Variants in CSAD observed in about 807,000 individuals in gnomAD.
CSAD encodes P-selectin cytoplasmic tail-associated protein.
CSAD carries 47 observed loss-of-function variants against 61.5 expected under a neutral mutation model. That is an observed-to-expected ratio of 0.76 (90% CI 0.60 to 0.97). The LOEUF (loss-of-function observed/expected upper bound fraction) is 0.97, where lower values mean the gene tolerates loss of function less well. Ranked by LOEUF, CSAD falls within the 50% of genes least tolerant of loss-of-function variation. The pLI, the probability that CSAD is intolerant of heterozygous loss-of-function variation, is 0.00. For missense variants in CSAD, 611 were observed against 643.6 expected, an observed-to-expected ratio of 0.95 and a Z score of 0.55; for synonymous variants, 245 against 252.7, an observed-to-expected ratio of 0.97 and a Z score of 0.29.
At chr12:53,174,751 C>T (rs1383900948) in intron 2 of CSAD, among the ~76,000 whole-genome samples, 1 of 152,136 alleles carries the variant, frequency 6.6e-6, no homozygotes, top group Non-Finnish European at 1.5e-5. Context: ...AAGATGGTAC[C>T]ACTGCACTCC....
chr12:53,175,362 C>A (rs1941025540), intron 2 of CSAD, among the ~76,000 whole-genome samples: 1 of 152,138 alleles, frequency 6.6e-6, no homozygotes, highest in African/African-American at 2.4e-5. Flanking sequence ...CAGGAGGAGG[C>A]CTGCCTGGGG....
chr12:53,174,949 C>A (rs1406770976), intron 2 of CSAD, among the ~76,000 whole-genome samples: 2 of 152,212 alleles, frequency 1.3e-5, no homozygotes, highest in Non-Finnish European at 2.9e-5. Flanking sequence ...GAGCCACACA[C>A]TGCTCATCTC....
At chr12:53,173,603 C>T in intron 3 of CSAD, 125 bp downstream of exon 3, 1 of 1,541,236 alleles carries the variant, frequency 6.5e-7, no homozygotes. Context: ...CTCCAGTGCA[C>T]AGACAAGGGC....
chr12:53,161,543 G>A (rs1939281838), intron 10 of CSAD, among the ~76,000 whole-genome samples, 154 bp from the exon 11 acceptor site: 1 of 151,954 alleles, frequency 6.6e-6, no homozygotes, highest in African/African-American at 2.4e-5. Context: ...TGTGCAGCCA[G>A]GGACACTGAG....
At chr12:53,174,604 G>A (rs1447395189) in intron 2 of CSAD, among the ~76,000 whole-genome samples, 2 of 151,950 alleles carry the variant, frequency 1.3e-5, no homozygotes, top group African/African-American at 2.4e-5. Context: ...GACCAGCCTG[G>A]CCAACATGGC....
chr12:53,170,877 T>C, intron 8 of CSAD: 3 of 375,786 alleles, frequency 8.0e-6, no homozygotes, highest in Non-Finnish European at 1.5e-5. Flanking sequence ...CCCACCACCA[T>C]GCCTGGCTAA....
rs1158992635 is a variant in CSAD, at chr12:53,160,338, A to AT, written c.967-20dup. 1 of 1,611,706 alleles carries AT rather than the reference A, an allele frequency of 6.2e-7. No individual in the cohort carries two copies. Among genetic ancestry groups the AT allele is most frequent in the South Asian group, 1.1e-5 (1 of 91,038 alleles). On this transcript the variant is annotated intron_variant, in intron 13 of 16. Transcript: ENST00000444623. Reference sequence around the variant, plus strand: ...GCAGGTTCTGTGTGGGGGTGAGGAGATTGTCAGACCCTACCCTCTCCACCG... The same window carrying AT: ...GCAGGTTCTGTGTGGGGGTGAGGAGATTTGTCAGACCCTACCCTCTCCACCG...
chr12:53,173,253 A>G (rs1940801434), intron 4 of CSAD, 92 bp downstream of exon 4: 1 of 1,123,780 alleles, frequency 8.9e-7, no homozygotes, highest in African/African-American at 1.7e-5. Context: ...AGAAGGAAGG[A>G]AGGGGGGGGG....
At position 53,180,714 on chromosome 12, in the gene CSAD, T is replaced by G. The variant is rs1389598820; in HGVS notation, c.-91+18A>C. On this transcript the variant is annotated intron_variant, in intron 1 of 16. Transcript: ENST00000444623. ...TGCTTCCGGGGAAACGGGCCGGGGT[T>G]GGTGTTTGTAAACTTGCCTCGGTCC... 1.6e-6 allele frequency: 2 copies of G among 1,267,442 alleles called. No individual in the cohort carries two copies. 78.5% of individuals were successfully genotyped at this position (1,267,442 alleles called of 1,614,324 possible).
intron 16 of CSAD, among the ~76,000 whole-genome samples, chr12:53,159,179 G>A (rs902607494): frequency 1.3e-5 from 2 of 152,166 alleles, no homozygotes; most frequent in African/African-American, 4.8e-5. Context: ...AAGAACATTT[G>A]TCCTTTCAGA....
chr12:53,170,368 G>C, intron 9 of CSAD, 55 bp downstream of exon 9: 1 of 1,499,568 alleles, frequency 6.7e-7, no homozygotes, highest in Non-Finnish European at 9.3e-7. Flanking sequence ...TCTGGCGGCA[G>C]GAAGTTACGC....
intron 15 of CSAD, 49 bp downstream of exon 15, chr12:53,159,838 C>T: frequency 6.4e-7 from 1 of 1,560,874 alleles, no homozygotes; most frequent in Non-Finnish European, 8.7e-7. Flanking sequence ...TTGGGGGCTG[C>T]AAAAGAGCTA....
chr12:53,170,970 C>A, intron 8 of CSAD: 1 of 433,678 alleles, frequency 2.3e-6, no homozygotes, highest in South Asian at 1.9e-5. Context: ...ATCCACCCAC[C>A]TCAGCCTCTC....
intron 2 of CSAD, among the ~76,000 whole-genome samples, chr12:53,176,886 G>C (rs1053286265): frequency 4.0e-5 from 6 of 151,818 alleles, no homozygotes; most frequent in African/African-American, 1.5e-4. Context: ...GCACATGCCA[G>C]CATGCCGGGT....
rs1941345077 is a variant in CSAD at position 53,179,135 on chromosome 12, G to A, written c.-83C>T. ...CCCAACGTGCTGGGATTACAGGTGT[G>A]AGCCACCCTGCCCGGAGCAAAAAGA... On this transcript the variant is annotated 5_prime_UTR_variant, in exon 2 of 17. Coordinates refer to ENST00000444623, the MANE Select transcript of CSAD (RefSeq NM_001244705.2). 2 of 152,308 alleles carry A rather than the reference G, an allele frequency of 1.3e-5. No individual in the cohort carries two copies. The allele number at this position is 152,308 out of a possible 1,614,324, so 9.4% of individuals were successfully genotyped here.
intron 2 of CSAD, among the ~76,000 whole-genome samples, chr12:53,175,058 T>C (rs372602454): frequency 2.4e-4 from 36 of 152,320 alleles, no homozygotes; most frequent in African/African-American, 8.4e-4. Context: ...TCTGAGCGCC[T>C]GGCTGGCATT....
rs1940627112 is a variant in CSAD at position 53,171,879 on chromosome 12, A to G, written c.451+3T>C. The G allele has an allele frequency of 1.9e-6, 3 of 1,605,614 alleles. No individual in the cohort carries two copies. In the African/African-American group the frequency reaches 4.0e-5, roughly 21 times the overall value. On this transcript the variant is annotated splice_donor_region_variant and intron_variant, in intron 7 of 16. Coordinates refer to ENST00000444623, the MANE Select transcript of CSAD (RefSeq NM_001244705.2). ...AAGAAAGGTCCTCCTCCTTCTCACA[A>G]ACCAGGGCAGAAGATTCCGTCCCCA...
chr12:53,177,313 T>C (rs1941184018), intron 2 of CSAD, among the ~76,000 whole-genome samples: 1 of 152,182 alleles, frequency 6.6e-6, no homozygotes, highest in African/African-American at 2.4e-5. Context: ...GTTTCAAATA[T>C]TTTCCCATAA....
rs947875144 is a variant in CSAD at position 53,158,417 on chromosome 12, T to C, written c.*94A>G. The C allele has an allele frequency of 9.1e-5, 123 of 1,350,872 alleles. 1 individual carries two copies. The highest frequency in any genetic ancestry group is 2.1e-4 in the Middle Eastern group (1 of 4,862). 83.7% of individuals were successfully genotyped at this position (1,350,872 alleles called of 1,614,324 possible). A position where few individuals can be genotyped will look rare whatever the true frequency, so the allele number is the denominator to read the frequency against. Reference sequence around the variant, plus strand: ...TCCCAAAGTGCTGGGATTACAGGCGTGAGCCACTGCACCCGGCCTCAAAGG... The same window carrying C: ...TCCCAAAGTGCTGGGATTACAGGCGCGAGCCACTGCACCCGGCCTCAAAGG... On this transcript the variant is annotated 3_prime_UTR_variant, in exon 17 of 17. Coordinates refer to ENST00000444623, the MANE Select transcript of CSAD (RefSeq NM_001244705.2).
Sources: gnomAD v4.1 joint callset for allele counts (sites outside exome capture counted in the v4.1 genomes callset) on GRCh38, gnomAD v4.1.1 for gene constraint, MANE v1.5 for transcripts, NCBI Gene and HGNC (gene_info 2026-07-23, HGNC 2026-07-21) for gene names.